VAV2: variants seen among roughly 807,000 people sequenced by gnomAD.
VAV2 encodes vav guanine nucleotide exchange factor 2, also known as guanine nucleotide exchange factor VAV2.
VAV2 carries 67 observed loss-of-function variants against 132.5 expected under a neutral mutation model. The observed-to-expected ratio is 0.51, with a 90% CI of 0.42 to 0.62. VAV2 has a LOEUF of 0.62. Ranked by LOEUF, VAV2 falls within the 20% of genes least tolerant of loss-of-function variation. The pLI is 0.00. For missense variants in VAV2, 938 were observed against 1,153.6 expected (o/e 0.81, Z 2.71); for synonymous variants, 492 against 443.5 (o/e 1.11, Z -1.37).
At chr9:133,812,599 CCAGAA>C (rs138564811) in intron 4 of VAV2, among the ~76,000 whole-genome samples, 6,663 of 152,208 alleles carry the variant, frequency 0.044, 186 homozygotes, top group Middle Eastern at 0.072. Context: ...GCTCCTGCCT[CCAGAA>C]CAGAAGCCTC....
intron 2 of VAV2, among the ~76,000 whole-genome samples, chr9:133,875,393 G>C (rs1013714743): frequency 1.3e-5 from 2 of 152,230 alleles, no homozygotes; most frequent in Non-Finnish European, 2.9e-5. Context: ...CCCTTCTGCC[G>C]GCTAAGGAGC....
At chr9:133,895,533 G>A (rs1050697729) in intron 2 of VAV2, among the ~76,000 whole-genome samples, 1 of 152,238 alleles carries the variant, frequency 6.6e-6, no homozygotes. Context: ...GTGCCAGCGG[G>A]TGCCAGCCAG....
chr9:133,852,619 C>G (rs560181762), intron 3 of VAV2, among the ~76,000 whole-genome samples: 2 of 152,296 alleles, frequency 1.3e-5, no homozygotes, highest in East Asian at 3.9e-4. Context: ...TGCCCCACTG[C>G]AGAAGCTCAG....
At chr9:133,782,627 G>C (rs917766949) in intron 19 of VAV2, among the ~76,000 whole-genome samples, 2 of 152,252 alleles carry the variant, frequency 1.3e-5, no homozygotes, top group Admixed American at 6.5e-5. Context: ...TGGGTGACAA[G>C]CTGGCCTGAC....
intron 2 of VAV2, among the ~76,000 whole-genome samples, chr9:133,894,524 C>T (rs767133882): frequency 2.6e-5 from 4 of 152,204 alleles, no homozygotes; most frequent in African/African-American, 7.2e-5. Context: ...CCCCGGGTGA[C>T]CCTGCACAAG....
intron 1 of VAV2, among the ~76,000 whole-genome samples, chr9:133,942,714 C>A (rs2132149423): frequency 6.6e-6 from 1 of 152,344 alleles, no homozygotes; most frequent in Non-Finnish European, 1.5e-5. Context: ...GGGCCCAGCG[C>A]ACCCCTTTCC....
chr9:133,924,536 C>A (rs1840405833), intron 2 of VAV2, among the ~76,000 whole-genome samples: 1 of 152,180 alleles, frequency 6.6e-6, no homozygotes, highest in South Asian at 2.1e-4. Flanking sequence ...CACAACAGCC[C>A]CCAGCCTCAC....
intron 3 of VAV2, among the ~76,000 whole-genome samples, chr9:133,848,938 A>C (rs1051425329): frequency 2.0e-5 from 3 of 152,190 alleles, no homozygotes; most frequent in African/African-American, 7.2e-5. Flanking sequence ...GGACATTCTT[A>C]ATGATCTCAC....
At chr9:133,989,562 G>A (rs1337181351) in intron 1 of VAV2, among the ~76,000 whole-genome samples, 4 of 144,414 alleles carry the variant, frequency 2.8e-5, no homozygotes, top group South Asian at 2.2e-4. Context: ...GAGCGTGCCG[G>A]TAGTCCCAGC....
intron 2 of VAV2, among the ~76,000 whole-genome samples, chr9:133,868,955 C>T (rs1045761423): frequency 2.0e-5 from 3 of 151,798 alleles, no homozygotes; most frequent in Admixed American, 2.0e-4. Flanking sequence ...ATGAGGAGTT[C>T]GAGACCAGCC....
chr9:133,936,242 C>CT (rs35091336), intron 2 of VAV2, among the ~76,000 whole-genome samples: 78,058 of 134,884 alleles, frequency 0.58, 22,814 homozygotes, highest in East Asian at 0.66. Flanking sequence ...GCCATTGCGT[C>CT]TTTTTTTTTT....
Position 133,992,220 on chromosome 9 carries a change from T to C in VAV2, c.59A>G (p.Asn20Ser), listed in dbSNP as rs765191899. The change falls in exon 1 of 30, where the codon AAC (asparagine) becomes AGC (serine). Residue 20 changes from asparagine to serine, a missense_variant. Coordinates refer to ENST00000371850, the MANE Select transcript of VAV2 (RefSeq NM_001134398.2). The surrounding 1 kb of genome is among the most constrained non-coding windows in gnomAD (Gnocchi z 5.5). ...WLIDCKVLPP[N>S]HRVVWPSAVV... Reference sequence around the variant, plus strand: ...GGCCGAGGGCCACACCACCCGGTGGTTGGGCGGCAGGACCTTGCAATCGAT... The same window carrying C: ...GGCCGAGGGCCACACCACCCGGTGGCTGGGCGGCAGGACCTTGCAATCGAT... 4 of 1,593,892 alleles carry C rather than the reference T, an allele frequency of 2.5e-6. No homozygotes were observed. Among genetic ancestry groups the C allele is most frequent in the Non-Finnish European group, 2.6e-6 (3 of 1,170,904 alleles).
chr9:133,889,662 C>T (rs567073000), intron 2 of VAV2, among the ~76,000 whole-genome samples: 9 of 152,344 alleles, frequency 5.9e-5, no homozygotes, highest in African/African-American at 1.9e-4. Context: ...CACCTGCTTC[C>T]TCAGCGACCG....
At chr9:133,828,383 ACTGGGG>A (rs1273146009) in intron 4 of VAV2, among the ~76,000 whole-genome samples, 4 of 4,110 alleles carry the variant, frequency 9.7e-4, no homozygotes, top group Non-Finnish European at 1.3e-3. Flanking sequence ...CGCTGCGCCC[ACTGGGG>A]CTGACCACTG....
intron 12 of VAV2, among the ~76,000 whole-genome samples, chr9:133,795,362 C>T (rs371616667): frequency 2.8e-4 from 42 of 152,246 alleles, no homozygotes; most frequent in Non-Finnish European, 4.3e-4. Context: ...GGCCAGAAAG[C>T]CCAGAATGGA....
At chr9:133,792,938 T>A (rs1564352671) in intron 12 of VAV2, among the ~76,000 whole-genome samples, 2 of 152,078 alleles carry the variant, frequency 1.3e-5, no homozygotes, top group Middle Eastern at 6.8e-3. Context: ...AACATCCTAA[T>A]AGAGGGAAGC....
At chr9:133,828,867 G>T (rs1836154493) in intron 4 of VAV2, among the ~76,000 whole-genome samples, 1 of 152,218 alleles carries the variant, frequency 6.6e-6, no homozygotes, top group Non-Finnish European at 1.5e-5. Flanking sequence ...CTCCTGCTGG[G>T]ATAGTGCCCC....
At chr9:133,933,077 C>G (rs2132113142) in intron 2 of VAV2, among the ~76,000 whole-genome samples, 1 of 152,392 alleles carries the variant, frequency 6.6e-6, no homozygotes, top group Non-Finnish European at 1.5e-5. Flanking sequence ...GTCAAACCAG[C>G]CTCCACATGG....
At chr9:133,909,492 C>T (rs907401230) in intron 2 of VAV2, among the ~76,000 whole-genome samples, 6 of 152,206 alleles carry the variant, frequency 3.9e-5, no homozygotes, top group Admixed American at 6.5e-5. Context: ...GCTATGGGCC[C>T]CACCTCAATG....
Sources: gnomAD v4.1 joint callset for allele counts (sites outside exome capture counted in the v4.1 genomes callset) on GRCh38, gnomAD v4.1.1 for gene constraint, Gnocchi (gnomAD v3.1) non-coding constraint, MANE v1.5 for transcripts, NCBI Gene and HGNC (gene_info 2026-07-23, HGNC 2026-07-21) for gene names.